The following DOCK9 variants were observed in gnomAD, a reference collection of about 807,000 sequenced individuals.
DOCK9 encodes the protein dedicator of cytokinesis protein 9.
In DOCK9, 89 loss-of-function variants were observed where a neutral mutation model predicts 263.3. The ratio of observed to expected loss-of-function variants is 0.34; its 90% confidence interval spans 0.28 to 0.40. DOCK9 has a LOEUF of 0.40. Among genes scored for constraint, DOCK9 ranks in the 10% least tolerant of loss-of-function variants. DOCK9 has a pLI of 1.00. For synonymous variants in DOCK9, 976 were observed against 973.1 expected, an observed-to-expected ratio of 1.00 and a Z score of -0.06; for missense variants, 2,140 against 2,603.4, an observed-to-expected ratio of 0.82 and a Z score of 3.87.
intron 9 of DOCK9, among the ~76,000 whole-genome samples, chr13:98,906,145 G>A (rs2049054736): frequency 6.6e-6 from 1 of 152,164 alleles, no homozygotes; most frequent in Admixed American, 6.5e-5. Flanking sequence ...TTTCCAACTG[G>A]AAACATCCAA....
chr13:98,835,130 T>G (rs2092940641), intron 39 of DOCK9, among the ~76,000 whole-genome samples: 1 of 152,236 alleles, frequency 6.6e-6, no homozygotes, highest in South Asian at 2.1e-4. Flanking sequence ...ATTCTGAGCT[T>G]AAACCTTTCA....
chr13:99,000,636 A>T (rs1456271633), intron 1 of DOCK9, among the ~76,000 whole-genome samples: 2 of 152,222 alleles, frequency 1.3e-5, no homozygotes, highest in Non-Finnish European at 2.9e-5. Context: ...ATTGAAACTC[A>T]TGCACAGAGA....
chr13:98,796,335 G>C, intron 52 of DOCK9: 1 of 809,554 alleles, frequency 1.2e-6, no homozygotes, highest in South Asian at 1.5e-5. Context: ...CTCCACAAAC[G>C]GCCCTGGCTT....
chr13:98,949,828 A>T lies in DOCK9; in HGVS notation c.243+5607T>A, dbSNP rs141623518. On this transcript the variant is annotated intron_variant, in intron 2 of 52. Coordinates refer to ENST00000682017, the MANE Select transcript of DOCK9 (RefSeq NM_001366683.2). ...GCATGATGGGCCACCGAGAGGTGGA[A>T]AGGGTGCAAGACCCATGAGATCTCC... 579 of 477,128 alleles carry T rather than the reference A, an allele frequency of 1.2e-3. 2 individuals carry two copies. Among genetic ancestry groups the T allele is most frequent in the African/African-American group, 0.011 (540 of 50,444 alleles). The allele number at this position is 477,128 out of a possible 1,614,324, so 29.6% of individuals were successfully genotyped here. A position where few individuals can be genotyped will look rare whatever the true frequency, so the allele number is the denominator to read the frequency against.
intron 45 of DOCK9, among the ~76,000 whole-genome samples, chr13:98,822,238 G>C (rs1343407084): frequency 1.3e-5 from 2 of 152,196 alleles, no homozygotes; most frequent in East Asian, 3.8e-4. Flanking sequence ...AGGGGTCCTT[G>C]TCACAGGCTT....
At chr13:99,081,572 C>T (rs149015610) in intron 1 of DOCK9, among the ~76,000 whole-genome samples, 8 of 152,302 alleles carry the variant, frequency 5.3e-5, no homozygotes, top group Non-Finnish European at 1.2e-4. Context: ...AGTCAGCATG[C>T]CCATGCAAAG....
chr13:98,860,492 C>G lies in DOCK9; in HGVS notation c.3610G>C (p.Ala1204Pro). ...TGCGGCGTCACCAGCGGATTCACAGCTGGTAGAGCCAGGGATTCATCCTTC... is the reference window on the plus strand; with the variant it reads ...TGCGGCGTCACCAGCGGATTCACAGGTGGTAGAGCCAGGGATTCATCCTTC... Reference protein sequence around the residue: ...TVKDESLALPAVNPLVTPQKG... With the variant: ...TVKDESLALPPVNPLVTPQKG... Residue 1204 changes from alanine to proline, a missense_variant, in exon 33 of 53, where the codon GCT becomes CCT. Ala to Pro is a conservative substitution (Grantham distance 27, BLOSUM62 -1). Around this residue, in one of 2 missense-constraint regions of DOCK9, gnomAD observed 1,521 missense variants for 1,741.7 expected, o/e 0.87. Coordinates refer to ENST00000682017, the MANE Select transcript of DOCK9 (RefSeq NM_001366683.2). 1 of 1,578,196 alleles carries G rather than the reference C, an allele frequency of 6.3e-7. No individual in the cohort carries two copies. Among genetic ancestry groups the G allele is most frequent in the South Asian group, 1.2e-5 (1 of 86,032 alleles).
chr13:99,007,247 G>C (rs1324954861), intron 1 of DOCK9, among the ~76,000 whole-genome samples: 1 of 152,016 alleles, frequency 6.6e-6, no homozygotes, highest in Non-Finnish European at 1.5e-5. Flanking sequence ...AATTAGCTGG[G>C]TGTGGTGGCA....
chr13:98,810,043 A>G lies in DOCK9; in HGVS notation c.5253+126T>C. ...GGCCACCACCTTCAGCGTAACGTGG[A>G]GGGTCAGAGACCCCCACTCATCTCT... On this transcript the variant is annotated intron_variant, in intron 46 of 52. Transcript: ENST00000682017. The G allele has an allele frequency of 3.8e-6, 5 of 1,298,806 alleles. No homozygotes were observed. The South Asian group carries it at 6.7e-5, about 18-fold the overall frequency. The allele number at this position is 1,298,806 out of a possible 1,614,324, so 80.5% of individuals were successfully genotyped here. A position where few individuals can be genotyped will look rare whatever the true frequency, so the allele number is the denominator to read the frequency against.
intron 1 of DOCK9, among the ~76,000 whole-genome samples, chr13:99,026,332 G>A (rs1886720623): frequency 6.6e-6 from 1 of 152,136 alleles, no homozygotes; most frequent in South Asian, 2.1e-4. Context: ...ATATCAGAGG[G>A]TACATCAATC....
chr13:98,919,719 T>C (rs2051576775), intron 7 of DOCK9, among the ~76,000 whole-genome samples: 1 of 152,258 alleles, frequency 6.6e-6, no homozygotes, highest in Non-Finnish European at 1.5e-5. Flanking sequence ...CTGAGATTGC[T>C]TGGGCAGCTT....
At chr13:98,989,627 CAT>C (rs1398749277) in intron 1 of DOCK9, among the ~76,000 whole-genome samples, 2 of 152,116 alleles carry the variant, frequency 1.3e-5, no homozygotes, top group African/African-American at 4.8e-5. Context: ...AGATATGACA[CAT>C]ATGAGGGTAT....
chr13:98,835,410 C>T (rs1048243271), intron 39 of DOCK9, among the ~76,000 whole-genome samples: 4 of 152,234 alleles, frequency 2.6e-5, no homozygotes, highest in African/African-American at 9.6e-5. Context: ...TACCACATGG[C>T]CCAGCATCCA....
chr13:98,880,828 G>C (rs1249039700), intron 25 of DOCK9, among the ~76,000 whole-genome samples, 156 bp from the exon 26 acceptor site: 2 of 151,966 alleles, frequency 1.3e-5, no homozygotes, highest in African/African-American at 4.9e-5. Context: ...TGAGTGTCAT[G>C]TGATAAAAAG....
intron 1 of DOCK9, among the ~76,000 whole-genome samples, chr13:99,033,197 C>A (rs1210799099): frequency 6.6e-6 from 1 of 152,140 alleles, no homozygotes; most frequent in Admixed American, 6.6e-5. Context: ...TCTTATATAG[C>A]ATATCATTCA....
chr13:99,043,345 G>T (rs1295800210), intron 1 of DOCK9, among the ~76,000 whole-genome samples: 1 of 152,202 alleles, frequency 6.6e-6, no homozygotes. Flanking sequence ...CACTCTCAGT[G>T]AACAGCTGTA....
chr13:98,887,141 A>ATTTTTTTTTTTTTTTTTTTTTTTTTTT (rs1335567169), intron 18 of DOCK9, among the ~76,000 whole-genome samples: 6 of 59,618 alleles, frequency 1.0e-4, no homozygotes, highest in Non-Finnish European at 1.5e-4. Flanking sequence ...ATATATATAT[A>ATTTTTTTTTTTTTTTTTTTTTTTTTTT]TATTTTTTTT....
intron 1 of DOCK9, among the ~76,000 whole-genome samples, chr13:99,072,416 T>C (rs1671075018): frequency 6.6e-6 from 1 of 152,060 alleles, no homozygotes; most frequent in African/African-American, 2.4e-5. Context: ...GCCAGGAGCA[T>C]TGTATAATAT....
At chr13:99,016,479 A>C (rs1885431982) in intron 1 of DOCK9, among the ~76,000 whole-genome samples, 2 of 152,226 alleles carry the variant, frequency 1.3e-5, no homozygotes, top group South Asian at 4.1e-4. Flanking sequence ...CAGTCTGGCT[A>C]GATGCATGCC....
Sources: allele counts gnomAD v4.1 joint callset (sites outside exome capture counted in the v4.1 genomes callset), GRCh38; gene constraint gnomAD v4.1.1; regional missense constraint gnomAD v4.1.1; transcripts MANE v1.5; gene names NCBI Gene and HGNC (gene_info 2026-07-23, HGNC 2026-07-21).